The following GGACT variants were observed in gnomAD, a reference collection of about 807,000 sequenced individuals.
The protein encoded by GGACT is gamma-glutamylaminecyclotransferase.
For synonymous variants in GGACT, 118 were observed against 115.3 expected (o/e 1.02, Z -0.15); for missense variants, 241 against 233.2 (o/e 1.03, Z -0.22).
rs1289594464 is a variant in GGACT at position 100,532,594 on chromosome 13, G to T, written c.-3C>A. The T allele has an allele frequency of 3.3e-6, 5 of 1,534,224 alleles. No homozygotes were observed. The East Asian group carries it at 1.2e-4, about 38-fold the overall frequency. ...CCGTACACGAAGACTAGGGCCATCC[G>T]GGCAGAGCTGCAGGGAGAGGGGAAG... On this transcript the variant is annotated 5_prime_UTR_variant, in exon 3 of 3. Coordinates refer to ENST00000683975, the MANE Select transcript of GGACT (RefSeq NM_001195087.2).
At chr13:100,581,269 G>C (rs947094158) in intron 2 of GGACT, among the ~76,000 whole-genome samples, 3 of 152,188 alleles carry the variant, frequency 2.0e-5, no homozygotes, top group East Asian at 3.8e-4. Context: ...AGGGGACCAG[G>C]GTTCCCCAGA....
chr13:100,563,436 T>G (rs2088783123), intron 2 of GGACT, among the ~76,000 whole-genome samples: 1 of 152,226 alleles, frequency 6.6e-6, no homozygotes, highest in African/African-American at 2.4e-5. Context: ...TAAATAATCA[T>G]GGAATCCTTC....
At chr13:100,569,024 G>A (rs1034510673) in intron 2 of GGACT, among the ~76,000 whole-genome samples, 1 of 152,252 alleles carries the variant, frequency 6.6e-6, no homozygotes, top group Non-Finnish European at 1.5e-5. Flanking sequence ...GCCTTGGGCA[G>A]CTCCGCCCCT....
At chr13:100,576,248 C>T (rs1375271008) in intron 2 of GGACT, among the ~76,000 whole-genome samples, 1 of 152,086 alleles carries the variant, frequency 6.6e-6, no homozygotes, top group Non-Finnish European at 1.5e-5. Context: ...ATAAAAATAA[C>T]ACATCTATTA....
At chr13:100,576,328 C>T (rs555221015) in intron 2 of GGACT, among the ~76,000 whole-genome samples, 1 of 152,326 alleles carries the variant, frequency 6.6e-6, no homozygotes, top group South Asian at 2.1e-4. Flanking sequence ...ACAACTGGAA[C>T]TCTCACCATT....
At chr13:100,564,870 G>T (rs148858314) in intron 2 of GGACT, among the ~76,000 whole-genome samples, 1 of 152,194 alleles carries the variant, frequency 6.6e-6, no homozygotes, top group Non-Finnish European at 1.5e-5. Flanking sequence ...AGGCCTTTAT[G>T]GGGGAGGGAA....
chr13:100,582,192 G>T (rs927013283), intron 2 of GGACT, among the ~76,000 whole-genome samples: 1 of 152,132 alleles, frequency 6.6e-6, no homozygotes, highest in African/African-American at 2.4e-5. Flanking sequence ...GCTAACCAGG[G>T]CTCCTTGGAG....
rs2088595817 is a variant in GGACT at position 100,545,408 on chromosome 13, G to A, written c.-10-12807C>T. On this transcript the variant is annotated intron_variant, in intron 2 of 2. Coordinates refer to ENST00000683975, the MANE Select transcript of GGACT (RefSeq NM_001195087.2). This position sits in a 1 kb window ranked among gnomAD's most constrained non-coding sequence, Gnocchi z 4.4. ...CACGTCCCTTCCTGACCTCCTTCCT[G>A]ACCTCCACGTCCCAGGGCCCCTGGA... Among the ~76,000 whole-genome samples, 1 of 152,118 alleles carries A rather than the reference G, an allele frequency of 6.6e-6. No individual in the cohort carries two copies. The highest frequency in any genetic ancestry group is 1.5e-5 in the Non-Finnish European group (1 of 68,008).
At chr13:100,576,744 G>A (rs1875258217) in intron 2 of GGACT, among the ~76,000 whole-genome samples, 1 of 152,194 alleles carries the variant, frequency 6.6e-6, no homozygotes, top group South Asian at 2.1e-4. Context: ...AAGCTGTCAG[G>A]GTTTGAGGAA....
chr13:100,563,782 T>C (rs1475011592), intron 2 of GGACT, among the ~76,000 whole-genome samples: 1 of 152,144 alleles, frequency 6.6e-6, no homozygotes, highest in Non-Finnish European at 1.5e-5. Flanking sequence ...AAGAATGAAT[T>C]TTGTGTGGGT....
intron 1 of GGACT, chr13:100,587,210 A>G (rs1875605142): frequency 6.6e-6 from 1 of 152,212 alleles, no homozygotes; most frequent in Non-Finnish European, 1.5e-5. Flanking sequence ...CACTTCAAGA[A>G]TGGACACAGA....
At chr13:100,584,603 T>G (rs1225652543) in intron 1 of GGACT, among the ~76,000 whole-genome samples, 1 of 152,128 alleles carries the variant, frequency 6.6e-6, no homozygotes, top group Non-Finnish European at 1.5e-5. Context: ...AATGTAACTA[T>G]ACATTTAAAA....
chr13:100,580,529 A>G (rs1208131666), intron 2 of GGACT, among the ~76,000 whole-genome samples: 1 of 152,224 alleles, frequency 6.6e-6, no homozygotes, highest in Non-Finnish European at 1.5e-5. Context: ...CTGGTTTTGG[A>G]TTCTGTGAGC....
At chr13:100,580,813 T>C (rs1875393380) in intron 2 of GGACT, among the ~76,000 whole-genome samples, 1 of 152,154 alleles carries the variant, frequency 6.6e-6, no homozygotes, top group Non-Finnish European at 1.5e-5. Context: ...AACTTTCACC[T>C]GTTGGCCCAG....
chr13:100,560,311 A>G (rs1197751396), intron 2 of GGACT, among the ~76,000 whole-genome samples: 1 of 152,252 alleles, frequency 6.6e-6, no homozygotes, highest in African/African-American at 2.4e-5. Flanking sequence ...CTTCCTCAAC[A>G]GCAGCATCTG....
At chr13:100,571,241 A>G (rs1388073621) in intron 2 of GGACT, among the ~76,000 whole-genome samples, 2 of 152,334 alleles carry the variant, frequency 1.3e-5, no homozygotes, top group Admixed American at 1.3e-4. Context: ...TATTTTGCAA[A>G]ATCCCCCAGC....
In GGACT at chr13:100,557,628, A is replaced by G. The variant is rs116623951; in HGVS notation, c.-10-25027T>C. On this transcript the variant is annotated intron_variant, in intron 2 of 2. Coordinates refer to ENST00000683975, the MANE Select transcript of GGACT (RefSeq NM_001195087.2). ...CACTCCCTATACACTAATTAACTCAAAATGTATCCAAATATAAGAGTTAAA... is the reference window on the plus strand; with the variant it reads ...CACTCCCTATACACTAATTAACTCAGAATGTATCCAAATATAAGAGTTAAA... Among the ~76,000 whole-genome samples, 935 of 152,332 alleles carry G rather than the reference A, an allele frequency of 6.1e-3. 9 individuals are homozygous for G. The highest frequency in any genetic ancestry group is 0.021 in the African/African-American group (882 of 41,580).
chr13:100,540,385 C>G (rs2088542091), intron 2 of GGACT: 2 of 628,924 alleles, frequency 3.2e-6, no homozygotes, highest in East Asian at 2.7e-5. Context: ...TCCATTTCAT[C>G]TAGGTTAGAC....
chr13:100,584,746 G>T (rs1156449311), intron 1 of GGACT, among the ~76,000 whole-genome samples: 1 of 151,986 alleles, frequency 6.6e-6, no homozygotes, highest in Non-Finnish European at 1.5e-5. Flanking sequence ...ATTACACATT[G>T]TATCTCATAT....
Sources: allele counts gnomAD v4.1 joint callset (sites outside exome capture counted in the v4.1 genomes callset), GRCh38; gene constraint gnomAD v4.1.1; non-coding constraint Gnocchi (gnomAD v3.1); transcripts MANE v1.5; gene names NCBI Gene and HGNC (gene_info 2026-07-23, HGNC 2026-07-21).